The following CNOT10 variants were observed in gnomAD, a reference collection of about 807,000 sequenced individuals.
CNOT10 encodes CCR4-NOT transcription complex subunit 10.
In CNOT10, 30 loss-of-function variants were observed where a neutral mutation model predicts 94.6. The observed-to-expected ratio is 0.32, with a 90% CI of 0.24 to 0.43. The LOEUF (loss-of-function observed/expected upper bound fraction) is 0.43, where lower values mean the gene tolerates loss of function less well. Ranked by LOEUF, CNOT10 falls within the 20% of genes least tolerant of loss-of-function variation. The pLI, the probability that CNOT10 is intolerant of heterozygous loss-of-function variation, is 1.00. For missense variants in CNOT10, 759 were observed against 877.2 expected, an observed-to-expected ratio of 0.87 and a Z score of 1.70; for synonymous variants, 289 against 301.6, an observed-to-expected ratio of 0.96 and a Z score of 0.43.
At position 32,705,045 on chromosome 3, in the gene CNOT10, G is replaced by T; in HGVS notation, c.279+73G>T. On this transcript the variant is annotated intron_variant, in intron 3 of 18. Coordinates refer to ENST00000328834, the MANE Select transcript of CNOT10 (RefSeq NM_015442.3). Reference sequence around the variant, plus strand: ...AATTTATGAAACACAAATAGTTAAGGAAAATAAATGTGATTTGTCTGGTAT... The same window carrying T: ...AATTTATGAAACACAAATAGTTAAGTAAAATAAATGTGATTTGTCTGGTAT... The T allele has an allele frequency of 1.0e-6, 1 of 963,172 alleles. No individual in the cohort carries two copies. The highest frequency in any genetic ancestry group is 1.5e-6 in the Non-Finnish European group (1 of 677,062). 59.7% of individuals were successfully genotyped at this position (963,172 alleles called of 1,614,324 possible).
chr3:32,686,065 T>C (rs1369364495), intron 1 of CNOT10, among the ~76,000 whole-genome samples: 1 of 152,196 alleles, frequency 6.6e-6, no homozygotes, highest in African/African-American at 2.4e-5. Flanking sequence ...TAAAAAGGCA[T>C]AAAATCCTAT....
intron 13 of CNOT10, among the ~76,000 whole-genome samples, chr3:32,747,348 T>C (rs2125603687): frequency 6.6e-6 from 1 of 151,116 alleles, no homozygotes; most frequent in East Asian, 2.0e-4. Flanking sequence ...ACCCAGGAGG[T>C]GGAGGTGGAG....
intron 13 of CNOT10, chr3:32,753,134 A>C: frequency 1.7e-6 from 1 of 587,334 alleles, no homozygotes. Context: ...ATTCAATCCA[A>C]ATAATTCCAC....
chr3:32,705,009 T>C (rs1340320096), intron 3 of CNOT10, 37 bp downstream of exon 3: 2 of 1,333,846 alleles, frequency 1.5e-6, no homozygotes, highest in Non-Finnish European at 2.0e-6. Context: ...AAAAATATTG[T>C]TCTGTTCTTT....
intron 13 of CNOT10, among the ~76,000 whole-genome samples, chr3:32,757,314 G>T (rs1559514382): frequency 6.7e-6 from 1 of 150,188 alleles, no homozygotes; most frequent in Non-Finnish European, 1.5e-5. Flanking sequence ...CAAGTAGCTG[G>T]GATTACAGGC....
chr3:32,723,650 A>G (rs987048739), intron 8 of CNOT10, among the ~76,000 whole-genome samples: 1 of 152,216 alleles, frequency 6.6e-6, no homozygotes, highest in Non-Finnish European at 1.5e-5. Context: ...ATGTAAACAC[A>G]CATACACATA....
chr3:32,687,301 T>TA (rs1392399285), intron 1 of CNOT10, among the ~76,000 whole-genome samples: 1 of 152,020 alleles, frequency 6.6e-6, no homozygotes, highest in East Asian at 1.9e-4. Flanking sequence ...CCGCTTTTTT[T>TA]ATGTCCTAAG....
chr3:32,734,254 T>G (rs1699081761), intron 11 of CNOT10, among the ~76,000 whole-genome samples: 1 of 152,168 alleles, frequency 6.6e-6, no homozygotes, highest in Non-Finnish European at 1.5e-5. Context: ...GTTACTACTT[T>G]TCAAAATTTT....
chr3:32,686,411 G>A (rs1459959254), intron 1 of CNOT10, among the ~76,000 whole-genome samples: 1 of 152,124 alleles, frequency 6.6e-6, no homozygotes, highest in Admixed American at 6.6e-5. Flanking sequence ...CACAATAACT[G>A]ACAAATGAAC....
At chr3:32,755,769 T>C (rs991751508) in intron 13 of CNOT10, among the ~76,000 whole-genome samples, 1 of 151,820 alleles carries the variant, frequency 6.6e-6, no homozygotes, top group Admixed American at 6.6e-5. Flanking sequence ...TTTTTTTTTT[T>C]TTCTTCTTTT....
chr3:32,755,929 A>T (rs1374488682), intron 13 of CNOT10, among the ~76,000 whole-genome samples: 1 of 152,048 alleles, frequency 6.6e-6, no homozygotes. Flanking sequence ...AGTCTGATGA[A>T]CTGTCAGATC....
chr3:32,755,031 G>T (rs1196157590), intron 13 of CNOT10, among the ~76,000 whole-genome samples: 1 of 151,662 alleles, frequency 6.6e-6, no homozygotes, highest in Non-Finnish European at 1.5e-5. Flanking sequence ...CGGATCACCT[G>T]TGGTCAGGAG....
intron 13 of CNOT10, among the ~76,000 whole-genome samples, chr3:32,746,048 C>T (rs1699683206): frequency 6.6e-6 from 1 of 152,184 alleles, no homozygotes; most frequent in Non-Finnish European, 1.5e-5. Flanking sequence ...AAAACATTTT[C>T]CTGTTTTTTC....
Position 32,720,211 on chromosome 3 carries a change from A to G in CNOT10, c.842A>G (p.His281Arg). The G allele has an allele frequency of 2.0e-6, 3 of 1,512,096 alleles. No homozygotes were observed. The highest frequency in any genetic ancestry group is 2.7e-6 in the Non-Finnish European group (3 of 1,108,176). The allele number at this position is 1,512,096 out of a possible 1,614,324, so 93.7% of individuals were successfully genotyped here. The change falls in exon 8 of 19, where the codon CAT becomes CGT. Residue 281 changes from histidine (H) to arginine (R), a missense_variant. By Grantham distance (29) the His-to-Arg change is conservative. Around this residue, in one of 3 missense-constraint regions of CNOT10, gnomAD observed 682 missense variants for 799.4 expected, o/e 0.85. Transcript: ENST00000328834. The stretch of plus-strand genomic sequence containing the variant: ...TTAAATAGTTCAAACATTGCTGAGC[A>G]TCCAGGATTCATGAAAACAGGTAAA... ...KLLNSSNIAE[H>R]PGFMKTGECL...
intron 10 of CNOT10, chr3:32,730,686 T>C (rs993171556): frequency 2.0e-5 from 3 of 152,164 alleles, no homozygotes; most frequent in African/African-American, 7.2e-5. Flanking sequence ...CTGAACAAAG[T>C]AGTTTGTACC....
chr3:32,686,763 A>C (rs1696619799), intron 1 of CNOT10, among the ~76,000 whole-genome samples: 1 of 152,204 alleles, frequency 6.6e-6, no homozygotes, highest in African/African-American at 2.4e-5. Flanking sequence ...CCCCACATTT[A>C]CCATTCCTAC....
intron 11 of CNOT10, among the ~76,000 whole-genome samples, chr3:32,733,766 G>A (rs967972450): frequency 6.6e-6 from 1 of 151,852 alleles, no homozygotes; most frequent in Non-Finnish European, 1.5e-5. Flanking sequence ...TGCAATTATT[G>A]ATGGCCTAGG....
chr3:32,697,794 G>C (rs1697146676), intron 1 of CNOT10, among the ~76,000 whole-genome samples: 1 of 152,168 alleles, frequency 6.6e-6, no homozygotes. Flanking sequence ...TTTAGAAGAA[G>C]CTTTAGAGAA....
intron 10 of CNOT10, among the ~76,000 whole-genome samples, chr3:32,731,869 G>A (rs1159731433): frequency 6.6e-6 from 1 of 151,474 alleles, no homozygotes; most frequent in Non-Finnish European, 1.5e-5. Flanking sequence ...AGAAGGTCAG[G>A]AGATCAAGAC....
Sources: allele counts gnomAD v4.1 joint callset (sites outside exome capture counted in the v4.1 genomes callset), GRCh38; gene constraint gnomAD v4.1.1; regional missense constraint gnomAD v4.1.1; transcripts MANE v1.5; gene names NCBI Gene and HGNC (gene_info 2026-07-23, HGNC 2026-07-21).